The following CACNA1C variants were observed in gnomAD, a reference collection of about 807,000 sequenced individuals.
CACNA1C encodes calcium voltage-gated channel subunit alpha1 C, also known as voltage-dependent L-type calcium channel subunit alpha-1C.
CACNA1C carries 30 observed loss-of-function variants against 229.0 expected under a neutral mutation model. The observed-to-expected ratio is 0.13, with a 90% CI of 0.10 to 0.18. CACNA1C has a LOEUF of 0.18. Among genes scored for constraint, CACNA1C ranks in the 10% least tolerant of loss-of-function variants. The probability of loss-of-function intolerance (pLI) is 1.00; values close to 1 mark genes in which losing one functional copy is unlikely to be tolerated. For synonymous variants in CACNA1C, 1,114 were observed against 1,132.5 expected (o/e 0.98, Z 0.33); for missense variants, 1,658 against 2,845.0 (o/e 0.58, Z 9.49).
At chr12:2,104,921 G>A (rs1018215318) in intron 1 of CACNA1C, among the ~76,000 whole-genome samples, 2 of 152,196 alleles carry the variant, frequency 1.3e-5, no homozygotes, top group African/African-American at 2.4e-5. Flanking sequence ...GTTGAAGGCC[G>A]TGGCTTAGCT....
At chr12:2,644,880 G>C (rs1427419954) in intron 30 of CACNA1C, among the ~76,000 whole-genome samples, 1 of 152,168 alleles carries the variant, frequency 6.6e-6, no homozygotes, top group Non-Finnish European at 1.5e-5. Flanking sequence ...AAGGCAATCT[G>C]CATAAGCATA....
rs541815939 is a variant in CACNA1C at position 2,399,521 on chromosome 12, A to G, written c.478-49455A>G. Among the ~76,000 whole-genome samples, 3 of 152,304 alleles carry G rather than the reference A, an allele frequency of 2.0e-5. No individual in the cohort carries two copies. The South Asian group carries it at 6.2e-4, about 32-fold the overall frequency. ...CCATCCTCAGCCAAATTCCTGTCCA[A>G]CCATCCCCGGCTGAACTCCTCTCTG... On this transcript the variant is annotated intron_variant, in intron 3 of 46. Coordinates refer to ENST00000399655, the MANE Select transcript of CACNA1C (RefSeq NM_000719.7).
intron 30 of CACNA1C, chr12:2,641,621 T>G: frequency 1.5e-6 from 1 of 655,436 alleles, no homozygotes; most frequent in East Asian, 2.9e-5. Flanking sequence ...CAAGATGCCT[T>G]GTTTCAAAAT....
At chr12:1,995,933 C>A (rs1353001306) in intron 1 of CACNA1C, among the ~76,000 whole-genome samples, 5 of 152,198 alleles carry the variant, frequency 3.3e-5, no homozygotes, top group African/African-American at 7.2e-5. Context: ...CTACCAGTTC[C>A]AAATCATTAC....
chr12:2,439,700 T>G (rs2099198166), intron 3 of CACNA1C, among the ~76,000 whole-genome samples: 1 of 151,322 alleles, frequency 6.6e-6, no homozygotes, highest in African/African-American at 2.4e-5. Context: ...GAGAAAGAGA[T>G]AAGTTTGAGA....
chr12:2,171,444 G>A (rs1005712245), intron 3 of CACNA1C, among the ~76,000 whole-genome samples: 10 of 152,198 alleles, frequency 6.6e-5, no homozygotes, highest in African/African-American at 1.7e-4. Flanking sequence ...CAGGGAGTCC[G>A]TCAAGATGAG....
In CACNA1C at chr12:2,029,557, G is replaced by C. The variant is rs757756225; in HGVS notation, c.139+58356G>C. On this transcript the variant is annotated intron_variant, in intron 1 of 46. Transcript: ENST00000682462. This position sits in a 1 kb window ranked among gnomAD's most constrained non-coding sequence, Gnocchi z 4.9. ...TTTAGTGTCTGGCTTCTTTCACTTA[G>C]CATAATGTTTTCGAGGTTCATCCAC... 3.9e-5 allele frequency among the ~76,000 whole-genome samples: 6 copies of C among 152,112 alleles called. No homozygotes were observed. Among genetic ancestry groups the C allele is most frequent in the Non-Finnish European group, 8.8e-5 (6 of 68,010 alleles).
intron 3 of CACNA1C, among the ~76,000 whole-genome samples, chr12:2,433,879 T>G (rs907252077): frequency 6.6e-6 from 1 of 152,284 alleles, no homozygotes; most frequent in Non-Finnish European, 1.5e-5. Flanking sequence ...GGGAGACAAT[T>G]TGGGGCAGTA....
chr12:2,422,295 G>A (rs1482956720), intron 3 of CACNA1C, among the ~76,000 whole-genome samples: 1 of 152,224 alleles, frequency 6.6e-6, no homozygotes, highest in African/African-American at 2.4e-5. Flanking sequence ...GAAGATAGCT[G>A]TTACAGGCCA....
At chr12:2,278,685 A>G (rs953237140) in intron 3 of CACNA1C, among the ~76,000 whole-genome samples, 2 of 152,254 alleles carry the variant, frequency 1.3e-5, no homozygotes, top group Non-Finnish European at 1.5e-5. Context: ...TAAAGCAGCT[A>G]TGAACATTTG....
chr12:2,118,433 T>TGAA (rs1270880185), intron 2 of CACNA1C, among the ~76,000 whole-genome samples: 1 of 152,212 alleles, frequency 6.6e-6, no homozygotes, highest in Non-Finnish European at 1.5e-5. Context: ...GAACTGCCTA[T>TGAA]GAAGGCTTCA....
intron 3 of CACNA1C, among the ~76,000 whole-genome samples, chr12:2,327,601 G>A (rs1045930132): frequency 1.3e-5 from 2 of 152,200 alleles, no homozygotes; most frequent in Admixed American, 1.3e-4. Flanking sequence ...AGTTCTGAGA[G>A]GTGTTCGTGT....
At chr12:2,684,292 T>C (rs2097330921) in intron 43 of CACNA1C, among the ~76,000 whole-genome samples, 1 of 152,184 alleles carries the variant, frequency 6.6e-6, no homozygotes, top group Non-Finnish European at 1.5e-5. Context: ...TGTGCCTTCG[T>C]GTCCCCATCA....
At chr12:2,643,828 C>T (rs1431388828) in intron 30 of CACNA1C, among the ~76,000 whole-genome samples, 1 of 152,180 alleles carries the variant, frequency 6.6e-6, no homozygotes, top group African/African-American at 2.4e-5. Context: ...ACCAGCCTGA[C>T]CACCTCCTCC....
chr12:2,278,405 A>G (rs1030487612), intron 3 of CACNA1C, among the ~76,000 whole-genome samples: 5 of 152,166 alleles, frequency 3.3e-5, no homozygotes, highest in Non-Finnish European at 5.9e-5. Flanking sequence ...TTGTAATCCC[A>G]GTAGCTCAGC....
In CACNA1C at chr12:2,004,391, C is replaced by T. The variant is rs529525752; in HGVS notation, c.139+33190C>T. On this transcript the variant is annotated intron_variant, in intron 1 of 46. Coordinates refer to the CACNA1C transcript ENST00000682462. ...CTGCAGGGCCGCTAGGCTGATGTCG[C>T]GCCCCTTTCCCACCAGGCCGCCTGC... The T allele has an allele frequency of 6.2e-6, 10 of 1,612,480 alleles. No individual in the cohort carries two copies. In the African/African-American group the frequency reaches 1.2e-4, roughly 19 times the overall value.
At chr12:2,129,766 G>A (rs2091641043) in intron 3 of CACNA1C, among the ~76,000 whole-genome samples, 1 of 152,144 alleles carries the variant, frequency 6.6e-6, no homozygotes, top group South Asian at 2.1e-4. Context: ...GTCCTGACCT[G>A]GGGAAGATTT....
At position 2,688,566 on chromosome 12, in the gene CACNA1C, C is replaced by T. The variant is rs779915019; in HGVS notation, c.5904C>T (p.Pro1968=). The change falls in exon 46 of 47, where the codon CCC becomes CCT. Residue 1968 remains proline (P), a synonymous_variant. Transcript: ENST00000399655. ...GCAGCCGAGGCTGGCCCCCACAGCCCGTCCCCACCCTGCGGCTTGAGGGGG... is the reference window on the plus strand; with the variant it reads ...GCAGCCGAGGCTGGCCCCCACAGCCTGTCCCCACCCTGCGGCTTGAGGGGG... ...TPGSRGWPPQ[P]VPTLRLEGVE... 2.0e-5 allele frequency: 32 copies of T among 1,614,004 alleles called. No individual in the cohort carries two copies. The highest frequency in any genetic ancestry group is 3.3e-5 in the Admixed American group (2 of 60,034).
chr12:2,243,170 G>T (rs560163779), intron 3 of CACNA1C, among the ~76,000 whole-genome samples: 2 of 152,302 alleles, frequency 1.3e-5, no homozygotes, highest in East Asian at 3.9e-4. Flanking sequence ...TCCTCATAGT[G>T]TGGCACTCAT....
Sources: allele counts gnomAD v4.1 joint callset (sites outside exome capture counted in the v4.1 genomes callset), GRCh38; gene constraint gnomAD v4.1.1; non-coding constraint Gnocchi (gnomAD v3.1); transcripts MANE v1.5; gene names NCBI Gene and HGNC (gene_info 2026-07-23, HGNC 2026-07-21).